Variants in CLTRN observed in about 807,000 individuals in gnomAD.
CLTRN encodes collectrin, amino acid transport regulator, also known as collectrin.
A neutral mutation model predicts 14.5 loss-of-function variants in CLTRN; 12 were observed. That is an observed-to-expected ratio of 0.83 (90% confidence interval 0.53 to 1.34). CLTRN has a LOEUF of 1.34. Ranked by LOEUF, CLTRN falls within the 40% of genes most tolerant of loss-of-function variation. The pLI, the probability that CLTRN is intolerant of heterozygous loss-of-function variation, is 0.00. For synonymous variants in CLTRN, 58 were observed against 56.5 expected (o/e 1.03, Z -0.12); for missense variants, 154 against 165.1 (o/e 0.93, Z 0.37).
chrX:15,664,657 C>T (rs935742077), intron 1 of CLTRN, 61 bp downstream of exon 1: 3 of 1,037,595 alleles, frequency 2.9e-6, no homozygotes, highest in South Asian at 2.0e-5. Flanking sequence ...TTCTTTCAGT[C>T]GATGACTTGT....
intron 4 of CLTRN, among the ~76,000 whole-genome samples, chrX:15,644,642 C>G (rs1468209792): frequency 9.0e-6 from 1 of 111,464 alleles, no homozygotes; most frequent in Non-Finnish European, 1.9e-5. Context: ...GGTGGTACCA[C>G]CACCCCCTCC....
In CLTRN at chrX:15,641,705, C is replaced by G. The variant is rs190514193; in HGVS notation, c.318-1949G>C. ...ACAGGGTCTTGCTATATTGCCCAGGCTGGGGCTCCACATTTTATTTTGTAC... is the reference window on the plus strand; with the variant it reads ...ACAGGGTCTTGCTATATTGCCCAGGGTGGGGCTCCACATTTTATTTTGTAC... On this transcript the variant is annotated intron_variant, in intron 4 of 5. Coordinates refer to ENST00000380342, the MANE Select transcript of CLTRN (RefSeq NM_020665.6). Among the ~76,000 whole-genome samples the G allele has an allele frequency of 2.1e-3, 230 of 108,087 alleles. 1 individual carries two copies. The highest frequency in any genetic ancestry group is 7.3e-3 in the African/African-American group (213 of 29,187). The allele number at this position is 108,087 out of a possible 115,157, so 93.9% of individuals were successfully genotyped here.
intron 5 of CLTRN, among the ~76,000 whole-genome samples, chrX:15,628,807 C>T (rs1275785443): frequency 4.5e-5 from 5 of 111,992 alleles, no homozygotes. Flanking sequence ...TTCCAGGTCA[C>T]TCCAAAAATT....
chrX:15,631,803 T>G (rs1928701459), intron 5 of CLTRN, among the ~76,000 whole-genome samples: 1 of 112,062 alleles, frequency 8.9e-6, no homozygotes, highest in Admixed American at 9.5e-5. Flanking sequence ...ACTTGCTGCT[T>G]GGTGGACATG....
At chrX:15,658,710 T>TTATATA (rs56162633) in intron 3 of CLTRN, among the ~76,000 whole-genome samples, 2 of 98,747 alleles carry the variant, frequency 2.0e-5, no homozygotes, top group Non-Finnish European at 4.1e-5. Flanking sequence ...TGCAAGAAAA[T>TTATATA]TATATATATA....
intron 3 of CLTRN, among the ~76,000 whole-genome samples, chrX:15,657,714 G>A (rs1204176004): frequency 4.5e-5 from 5 of 111,021 alleles, no homozygotes; most frequent in Non-Finnish European, 9.4e-5. Flanking sequence ...AGTTGTGAAA[G>A]AATGCTGCAG....
chrX:15,672,864 T>C (rs981108787), intron 1 of CLTRN, among the ~76,000 whole-genome samples: 1 of 112,353 alleles, frequency 8.9e-6, no homozygotes, highest in African/African-American at 3.2e-5. Flanking sequence ...AGTCCACTAA[T>C]ATGAATAAAT....
At chrX:15,633,327 A>G (rs1368096487) in intron 5 of CLTRN, among the ~76,000 whole-genome samples, 1 of 112,323 alleles carries the variant, frequency 8.9e-6, no homozygotes, top group African/African-American at 3.2e-5. Flanking sequence ...TTTCAAATCC[A>G]TCGTTTTAAC....
At chrX:15,636,411 C>T (rs1032633778) in intron 5 of CLTRN, among the ~76,000 whole-genome samples, 4 of 111,994 alleles carry the variant, frequency 3.6e-5, no homozygotes, top group African/African-American at 1.3e-4. Context: ...ACCTGAAGAA[C>T]AGTATGCTAA....
chrX:15,654,938 G>A (rs148304753), intron 3 of CLTRN, among the ~76,000 whole-genome samples: 2,565 of 112,339 alleles, frequency 0.023, 73 homozygotes, highest in African/African-American at 0.076. Flanking sequence ...TGCTCACACT[G>A]TTCCCTTTGG....
At chrX:15,644,795 G>A in intron 4 of CLTRN, 121 bp downstream of exon 4, 2 of 464,972 alleles carry the variant, frequency 4.3e-6, no homozygotes, top group South Asian at 9.9e-5. Flanking sequence ...TGAAATCTTT[G>A]TCATTTTAAT....
At chrX:15,637,913 C>T (rs185142775) in intron 5 of CLTRN, among the ~76,000 whole-genome samples, 1 of 112,031 alleles carries the variant, frequency 8.9e-6, no homozygotes, top group Non-Finnish European at 1.9e-5. Context: ...GCTCAGTTTC[C>T]CTGACTCACT....
chrX:15,641,676 G>GTGTA (rs1928947657), intron 4 of CLTRN, among the ~76,000 whole-genome samples: 1 of 108,495 alleles, frequency 9.2e-6, no homozygotes, highest in Admixed American at 1.0e-4. Context: ...GTGTGTGTGT[G>GTGTA]TAAACAGGGT....
At chrX:15,671,074 T>C (rs1431622903) in intron 1 of CLTRN, among the ~76,000 whole-genome samples, 7 of 111,571 alleles carry the variant, frequency 6.3e-5, no homozygotes, top group Non-Finnish European at 7.5e-5. Context: ...ACTATCATAT[T>C]CATGGGCTAC....
chrX:15,646,755 C>A (rs961422065), intron 3 of CLTRN: 1 of 339,691 alleles, frequency 2.9e-6, no homozygotes, highest in Non-Finnish European at 5.9e-6. Context: ...CTCTGAGGCT[C>A]GCCTGGCCTA....
intron 3 of CLTRN, among the ~76,000 whole-genome samples, chrX:15,654,570 A>G (rs1287457522): frequency 8.9e-6 from 1 of 112,546 alleles, no homozygotes; most frequent in African/African-American, 3.2e-5. Context: ...AGTAACCTCA[A>G]CTAATGAAAC....
intron 2 of CLTRN, 49 bp from the exon 3 acceptor site, chrX:15,659,150 G>A (rs1251258348): frequency 1.4e-6 from 1 of 694,245 alleles, no homozygotes; most frequent in Admixed American, 2.4e-5. Context: ...TGGTCCATTG[G>A]TTCTACTTGT....
chrX:15,656,906 A>G (rs1047139200), intron 3 of CLTRN, among the ~76,000 whole-genome samples: 3 of 111,520 alleles, frequency 2.7e-5, no homozygotes, highest in African/African-American at 9.8e-5. Flanking sequence ...GACACTGGCA[A>G]CAAAAGCTTC....
chrX:15,652,411 C>T (rs1453282016), intron 3 of CLTRN, among the ~76,000 whole-genome samples: 2 of 105,713 alleles, frequency 1.9e-5, no homozygotes, highest in African/African-American at 3.5e-5. Flanking sequence ...ATTTATTGTT[C>T]ATCATATTGT....
Sources: gnomAD v4.1 joint callset for allele counts (sites outside exome capture counted in the v4.1 genomes callset) on GRCh38, gnomAD v4.1.1 for gene constraint, MANE v1.5 for transcripts, NCBI Gene and HGNC (gene_info 2026-07-23, HGNC 2026-07-21) for gene names.